Variants in SPRYD7 observed in about 807,000 individuals in gnomAD.
The protein encoded by SPRYD7 is SPRY domain containing 7.
SPRYD7 carries 14 observed loss-of-function variants against 23.8 expected under a neutral mutation model. The ratio of observed to expected loss-of-function variants is 0.59; its 90% CI spans 0.39 to 0.92. SPRYD7 has a LOEUF of 0.92. Ranked by LOEUF, SPRYD7 falls within the 40% of genes least tolerant of loss-of-function variation. The pLI is 0.00. For synonymous variants in SPRYD7, 75 were observed against 84.9 expected (o/e 0.88, Z 0.64); for missense variants, 194 against 241.7 (o/e 0.80, Z 1.31).
intron 2 of SPRYD7, among the ~76,000 whole-genome samples, chr13:49,930,321 C>A (rs560029076): frequency 1.3e-5 from 2 of 152,044 alleles, no homozygotes; most frequent in Non-Finnish European, 2.9e-5. Context: ...CTGGCTCATG[C>A]CTGTAATCCC....
At chr13:49,925,549 C>T (rs912027784) in intron 3 of SPRYD7, among the ~76,000 whole-genome samples, 6 of 151,182 alleles carry the variant, frequency 4.0e-5, no homozygotes, top group Admixed American at 2.6e-4. Context: ...CGGTGGCTCA[C>T]GCCTGTAATC....
chr13:49,919,768 G>A (rs1594510079), intron 4 of SPRYD7, among the ~76,000 whole-genome samples: 1 of 136,474 alleles, frequency 7.3e-6, no homozygotes. Context: ...AAAAAATAAA[G>A]CAGAATGGAT....
chr13:49,927,439 T>C (rs1474724324), intron 3 of SPRYD7, among the ~76,000 whole-genome samples: 2 of 150,084 alleles, frequency 1.3e-5, no homozygotes, highest in Non-Finnish European at 2.9e-5. Flanking sequence ...GAGGTTGCAG[T>C]GAGCCAAGAT....
intron 2 of SPRYD7, among the ~76,000 whole-genome samples, chr13:49,929,325 G>A (rs1955920208): frequency 6.6e-6 from 1 of 151,924 alleles, no homozygotes; most frequent in Admixed American, 6.6e-5. Context: ...AAATAAATAA[G>A]TAAAAATAAT....
chr13:49,917,271 T>G (rs1056635429), intron 4 of SPRYD7, among the ~76,000 whole-genome samples: 3 of 152,004 alleles, frequency 2.0e-5, no homozygotes, highest in Non-Finnish European at 4.4e-5. Context: ...ACCCAGCTAA[T>G]TTTTTGTATT....
chr13:49,921,777 C>A (rs929388927), intron 3 of SPRYD7, among the ~76,000 whole-genome samples, 197 bp from the exon 4 acceptor site: 1 of 152,142 alleles, frequency 6.6e-6, no homozygotes, highest in African/African-American at 2.4e-5. Context: ...CAGGTAACAT[C>A]CCAAGAGTCC....
At chr13:49,920,020 T>G (rs1018718008) in intron 4 of SPRYD7, among the ~76,000 whole-genome samples, 2 of 152,030 alleles carry the variant, frequency 1.3e-5, no homozygotes, top group African/African-American at 4.8e-5. Context: ...GAGGGTTTAT[T>G]ATACTATTCT....
chr13:49,915,955 T>C (rs1290668060), intron 4 of SPRYD7, among the ~76,000 whole-genome samples: 3 of 152,206 alleles, frequency 2.0e-5, no homozygotes, highest in African/African-American at 4.8e-5. Context: ...GAAAAGACCA[T>C]ATGATTTTGT....
At chr13:49,922,634 A>G (rs1408536380) in intron 3 of SPRYD7, among the ~76,000 whole-genome samples, 4 of 152,246 alleles carry the variant, frequency 2.6e-5, no homozygotes, top group African/African-American at 9.6e-5. Flanking sequence ...CTTAATCACC[A>G]TATCTCTCTT....
At chr13:49,932,336 T>C (rs1871420372) in intron 1 of SPRYD7, among the ~76,000 whole-genome samples, 2 of 152,202 alleles carry the variant, frequency 1.3e-5, no homozygotes, top group South Asian at 4.1e-4. Context: ...TTCAATCACA[T>C]TGCAAATATG....
chr13:49,921,633 T>C (rs1190088163), intron 3 of SPRYD7, 53 bp from the exon 4 acceptor site: 9 of 1,128,488 alleles, frequency 8.0e-6, no homozygotes, highest in Admixed American at 1.7e-5. Context: ...TCAGAAAGCA[T>C]TGACTGGGAA....
chr13:49,912,954 C>G lies in SPRYD7; in HGVS notation c.*2109G>C, dbSNP rs1955707460. ...AAGGATTTTGCAGGATTCTCTGAGCCTATGGGTCAAAAATAGCCCATCATA... is the reference window on the plus strand; with the variant it reads ...AAGGATTTTGCAGGATTCTCTGAGCGTATGGGTCAAAAATAGCCCATCATA... On this transcript the variant is annotated 3_prime_UTR_variant, in exon 5 of 5. Coordinates refer to ENST00000361840, the MANE Select transcript of SPRYD7 (RefSeq NM_020456.4). 1 of 152,120 alleles carries G rather than the reference C, an allele frequency of 6.6e-6. No individual in the cohort carries two copies. The highest frequency in any genetic ancestry group is 2.1e-4 in the South Asian group (1 of 4,836). 9.4% of individuals were successfully genotyped at this position (152,120 alleles called of 1,614,324 possible). A position where few individuals can be genotyped will look rare whatever the true frequency, so the allele number is the denominator to read the frequency against.
chr13:49,934,781 A>G (rs1044582066), intron 1 of SPRYD7, among the ~76,000 whole-genome samples: 1 of 152,128 alleles, frequency 6.6e-6, no homozygotes, highest in Non-Finnish European at 1.5e-5. Context: ...GTAATTCAAG[A>G]GTCTAACAGT....
chr13:49,920,330 C>G (rs1355736084), intron 4 of SPRYD7, among the ~76,000 whole-genome samples: 1 of 151,796 alleles, frequency 6.6e-6, no homozygotes, highest in Admixed American at 6.6e-5. Flanking sequence ...TCACTATTTC[C>G]CTCAGAAGAG....
chr13:49,921,687 C>T (rs1955823149), intron 3 of SPRYD7, 107 bp from the exon 4 acceptor site: 1 of 665,924 alleles, frequency 1.5e-6, no homozygotes. Context: ...CAACAATTTT[C>T]ATTAAGGGTT....
At chr13:49,935,100 T>TA (rs1474277196) in intron 1 of SPRYD7, among the ~76,000 whole-genome samples, 20 of 152,218 alleles carry the variant, frequency 1.3e-4, no homozygotes, top group African/African-American at 4.6e-4. Flanking sequence ...ATTATATAGT[T>TA]ATCACATTTA....
chr13:49,924,436 C>T (rs542982950), intron 3 of SPRYD7, among the ~76,000 whole-genome samples: 6 of 152,022 alleles, frequency 3.9e-5, no homozygotes, highest in South Asian at 4.2e-4. Flanking sequence ...CCACTATGCC[C>T]GGCTAATTTT....
At chr13:49,919,774 T>A (rs1594510086) in intron 4 of SPRYD7, among the ~76,000 whole-genome samples, 10 of 124,836 alleles carry the variant, frequency 8.0e-5, no homozygotes, top group Non-Finnish European at 1.0e-4. Flanking sequence ...TAAAGCAGAA[T>A]GGATTGATAA....
chr13:49,936,093 C>T, intron 1 of SPRYD7, 37 bp downstream of exon 1: 1 of 1,499,440 alleles, frequency 6.7e-7, no homozygotes, highest in Non-Finnish European at 9.0e-7. Flanking sequence ...GCCCGGCCCC[C>T]GTGAGCCGTT....
Sources: allele counts gnomAD v4.1 joint callset (sites outside exome capture counted in the v4.1 genomes callset), GRCh38; gene constraint gnomAD v4.1.1; transcripts MANE v1.5; gene names NCBI Gene and HGNC (gene_info 2026-07-23, HGNC 2026-07-21).